The following ETV7 variants were observed in gnomAD, a reference collection of about 807,000 sequenced individuals.
ETV7 encodes ETS variant transcription factor 7.
A neutral mutation model predicts 39.1 loss-of-function variants in ETV7; 43 were observed. The observed-to-expected ratio is 1.10, with a 90% CI of 0.86 to 1.42. ETV7 has a LOEUF of 1.42. ETV7 is among the 40% of genes most tolerant of loss of function. The pLI, the probability that ETV7 is intolerant of heterozygous loss-of-function variation, is 0.00. For synonymous variants in ETV7, 196 were observed against 176.6 expected, an observed-to-expected ratio of 1.11 and a Z score of -0.87; for missense variants, 432 against 442.3, an observed-to-expected ratio of 0.98 and a Z score of 0.21.
downstream of ETV7, among the ~76,000 whole-genome samples, chr6:36,362,809 G>A (rs1356870037): frequency 6.6e-6 from 1 of 152,216 alleles, no homozygotes; most frequent in East Asian, 1.9e-4. Context: ...AGTGCTGGGT[G>A]AGATTCATTG....
At position 36,385,559 on chromosome 6, in the gene ETV7, C is replaced by G; in HGVS notation, c.117G>C (p.Gly39=). The G allele has an allele frequency of 6.2e-7, 1 of 1,614,188 alleles. No individual in the cohort carries two copies. Among genetic ancestry groups the G allele is most frequent in the Non-Finnish European group, 8.5e-7 (1 of 1,180,012 alleles). ...GGAGTCTTCCTGGCAGCTTGCAGAT[C>G]CCCCCTTCACCCAGCAGGTTAATTT... The part of the protein sequence containing the change: ...EAQINLLGEG[G]ICKLPGRLRI... The change falls in exon 2 of 8, where the codon GGG becomes GGC. Residue 39 remains glycine, a synonymous_variant. Coordinates refer to ENST00000340181, the MANE Select transcript of ETV7 (RefSeq NM_016135.4).
At chr6:36,358,326 C>T (rs576775046) in intron 7 of ETV7, among the ~76,000 whole-genome samples, 10 of 152,372 alleles carry the variant, frequency 6.6e-5, no homozygotes, top group African/African-American at 2.4e-4. Flanking sequence ...TGTCATTTCA[C>T]TGGGGGCCTT....
At chr6:36,374,594 T>G (rs1773214574) in intron 3 of ETV7, among the ~76,000 whole-genome samples, 1 of 152,140 alleles carries the variant, frequency 6.6e-6, no homozygotes, top group African/African-American at 2.4e-5. Context: ...AGCCCCAAGC[T>G]CACCTGCTTC....
chr6:36,378,253 A>C (rs1561913483), intron 2 of ETV7, among the ~76,000 whole-genome samples: 1 of 151,800 alleles, frequency 6.6e-6, no homozygotes, highest in Non-Finnish European at 1.5e-5. Context: ...AAAAAAAAAA[A>C]AAACCTGACT....
At chr6:36,376,646 T>G (rs556352334) in intron 2 of ETV7, among the ~76,000 whole-genome samples, 7 of 152,070 alleles carry the variant, frequency 4.6e-5, no homozygotes, top group East Asian at 3.9e-4. Flanking sequence ...CATGGTGGCA[T>G]GCACCTGTAG....
intron 3 of ETV7, 64 bp downstream of exon 3, chr6:36,375,807 G>T (rs1323575285): frequency 6.2e-7 from 1 of 1,610,100 alleles, no homozygotes; most frequent in Non-Finnish European, 8.5e-7. Flanking sequence ...CCCCCCGGGG[G>T]TACTTGGGCC....
chr6:36,367,331 T>C (rs1772777013), intron 6 of ETV7, among the ~76,000 whole-genome samples: 1 of 151,992 alleles, frequency 6.6e-6, no homozygotes, highest in African/African-American at 2.4e-5. Flanking sequence ...TAGTCCCAAC[T>C]ACTCAGGAGG....
intron 3 of ETV7, among the ~76,000 whole-genome samples, chr6:36,374,032 G>A (rs1016297781): frequency 2.6e-5 from 4 of 152,186 alleles, no homozygotes; most frequent in African/African-American, 9.7e-5. Flanking sequence ...CTTCCTAAAA[G>A]GCAGAATGAG....
chr6:36,366,931 G>T lies in ETV7; in HGVS notation c.852C>A (p.Arg284=). 6.2e-7 allele frequency: 1 copy of T among 1,614,048 alleles called. No homozygotes were observed. The highest frequency in any genetic ancestry group is 1.3e-5 in the African/African-American group (1 of 74,998). The change falls in exon 7 of 8, where the codon CGC becomes CGA. Residue 284 remains arginine, a synonymous_variant. Coordinates refer to ENST00000340181, the MANE Select transcript of ETV7 (RefSeq NM_016135.4). ...MTYEKMSRAL[R]HYYKLNIIKK... ...TAATGATATTAAGCTTATAATAGTG[G>T]CGCAGGGCACGAGACATCTTCTCGT... is the stretch of plus-strand genomic sequence containing the variant.
At chr6:36,383,178 C>T (rs1297510177) in intron 2 of ETV7, among the ~76,000 whole-genome samples, 1 of 152,204 alleles carries the variant, frequency 6.6e-6, no homozygotes, top group Non-Finnish European at 1.5e-5. Flanking sequence ...GCTCCTGACT[C>T]ACTCTGGCCT....
chr6:36,359,154 G>A (rs1772411278), intron 7 of ETV7, among the ~76,000 whole-genome samples: 2 of 152,188 alleles, frequency 1.3e-5, no homozygotes, highest in Non-Finnish European at 2.9e-5. Context: ...AGATTAAACA[G>A]AAAGGGGATG....
At chr6:36,369,441 C>T (rs192604758) in intron 5 of ETV7, among the ~76,000 whole-genome samples, 2 of 152,294 alleles carry the variant, frequency 1.3e-5, no homozygotes, top group Non-Finnish European at 2.9e-5. Context: ...GGGGCTGGGC[C>T]CCTGACCCCA....
intron 2 of ETV7, among the ~76,000 whole-genome samples, chr6:36,381,576 G>A (rs913918662): frequency 2.0e-5 from 3 of 152,098 alleles, no homozygotes; most frequent in African/African-American, 4.8e-5. Context: ...TGATGACTAC[G>A]TTTTATCAAT....
chr6:36,371,711 G>C, intron 4 of ETV7, 151 bp from the exon 5 acceptor site: 2 of 723,264 alleles, frequency 2.8e-6, no homozygotes, highest in South Asian at 1.7e-5. Context: ...GGGAGGCAGT[G>C]GGGGGCAGTG....
At chr6:36,369,811 T>C (rs1486612265) in intron 5 of ETV7, among the ~76,000 whole-genome samples, 2 of 151,800 alleles carry the variant, frequency 1.3e-5, no homozygotes, top group Non-Finnish European at 2.9e-5. Flanking sequence ...GAGGCTGAAG[T>C]GGGAGGATTC....
Position 36,366,664 on chromosome 6 carries a change from C to T in ETV7, c.1007G>A (p.Arg336Lys). Residue 336 changes from arginine (R) to lysine (K), a missense_variant, in exon 8 of 8, where the codon AGG becomes AAG. Arg to Lys is a conservative substitution (Grantham distance 26, BLOSUM62 2). Transcript: ENST00000340181. ...TGCCCCTCACGGAGAGATTTCTGGCCTCTTGTCCTTGAACTCTATTCTGTC... is the reference window on the plus strand; with the variant it reads ...TGCCCCTCACGGAGAGATTTCTGGCTTCTTGTCCTTGAACTCTATTCTGTC... ...EQDRIEFKDK[R>K]PEISP The T allele has an allele frequency of 6.2e-7, 1 of 1,614,158 alleles. No homozygotes were observed. Among genetic ancestry groups the T allele is most frequent in the Non-Finnish European group, 8.5e-7 (1 of 1,180,022 alleles).
intron 1 of ETV7, among the ~76,000 whole-genome samples, chr6:36,387,258 A>G (rs1462115387): frequency 2.0e-5 from 3 of 152,060 alleles, no homozygotes. Flanking sequence ...AGGGGCGACC[A>G]GTGGTAAGGG....
At chr6:36,364,770 G>A (rs555880148), downstream of ETV7, among the ~76,000 whole-genome samples, 6 of 152,362 alleles carry the variant, frequency 3.9e-5, no homozygotes, top group East Asian at 1.2e-3. Context: ...GGGCTGTGAG[G>A]ACTGCCAGCA....
At chr6:36,376,321 T>C (rs1376540061) in intron 2 of ETV7, among the ~76,000 whole-genome samples, 1 of 152,256 alleles carries the variant, frequency 6.6e-6, no homozygotes, top group Non-Finnish European at 1.5e-5. Context: ...AATCATTCAT[T>C]CAACAAGTGT....
Sources: allele counts gnomAD v4.1 joint callset (sites outside exome capture counted in the v4.1 genomes callset), GRCh38; gene constraint gnomAD v4.1.1; transcripts MANE v1.5; gene names NCBI Gene and HGNC (gene_info 2026-07-23, HGNC 2026-07-21).